Variants in HEPH observed in about 807,000 individuals in gnomAD.
The protein encoded by HEPH is hephaestin.
A neutral mutation model predicts 80.8 loss-of-function variants in HEPH; 69 were observed. That is an observed-to-expected ratio of 0.85 (90% confidence interval 0.70 to 1.04). The LOEUF is 1.04. Ranked by LOEUF, HEPH falls within the 50% of genes least tolerant of loss-of-function variation. The probability of loss-of-function intolerance (pLI) is 0.00; values close to 1 mark genes in which losing one functional copy is unlikely to be tolerated. For synonymous variants in HEPH, 431 were observed against 322.8 expected (o/e 1.34, Z -3.60); for missense variants, 1,115 against 891.3 (o/e 1.25, Z -3.20).
rs982284766 is a variant in HEPH, at chrX:66,266,624, G to A, written c.3429G>A (p.Arg1143=). The A allele has an allele frequency of 5.0e-6, 6 of 1,206,935 alleles. No individual in the cohort carries two copies. In the African/African-American group the frequency reaches 8.8e-5, roughly 18 times the overall value. Reference sequence around the variant, plus strand: ...GACAGAGAAAGCTACGACGCAATAGGAGGTCCATCCTGGATGACAGCTTCA... The same window carrying A: ...GACAGAGAAAGCTACGACGCAATAGAAGGTCCATCCTGGATGACAGCTTCA... ...QHRQRKLRRN[R]RSILDDSFKL... The change falls in exon 21 of 21, where the codon AGG becomes AGA. Residue 1143 remains arginine (R), a synonymous_variant. Transcript: ENST00000343002.
At chrX:66,226,792 T>C (rs1374201768) in intron 15 of HEPH, among the ~76,000 whole-genome samples, 1 of 110,629 alleles carries the variant, frequency 9.0e-6, no homozygotes, top group Non-Finnish European at 1.9e-5. Context: ...ATTGAAATGG[T>C]AATAAAAAAA....
In HEPH at chrX:66,258,951, A is replaced by G; in HGVS notation, c.3008A>G (p.His1003Arg). Residue 1003 changes from histidine to arginine, a missense_variant, in exon 18 of 21, where the codon CAC becomes CGC. This residue lies in a region of HEPH where 716 missense variants were observed against 523.5 expected (regional missense o/e 1.37). Coordinates refer to ENST00000343002, the MANE Select transcript of HEPH (RefSeq NM_001367233.3). ...MGQDVDLHTI[H>R]FHAESFLYRN... ...CAAGATGTGGATCTACACACCATCC[A>G]CTTTCATGCAGAGAGCTTCCTCTAT... The G allele has an allele frequency of 2.5e-6, 3 of 1,203,329 alleles. No homozygotes were observed. Among genetic ancestry groups the G allele is most frequent in the Non-Finnish European group, 3.4e-6 (3 of 892,084 alleles).
chrX:66,172,397 G>C lies in HEPH; in HGVS notation c.210G>C (p.Gly70=). 8.3e-7 allele frequency: 1 copy of C among 1,198,497 alleles called. No individual in the cohort carries two copies. Among genetic ancestry groups the C allele is most frequent in the Non-Finnish European group, 1.1e-6 (1 of 888,464 alleles). ...SFLKSDKNRI[G]GTYKKTIYKE... ...TAAAGTCTGACAAGAACCGGATAGG[G>C]GGAACCTACAAGAAGACCATCTATA... Residue 70 remains glycine, a synonymous_variant, in exon 3 of 21, where the codon GGG becomes GGC. Coordinates refer to ENST00000343002, the MANE Select transcript of HEPH (RefSeq NM_001367233.3).
rs1304075105 is a variant in HEPH at position 66,180,066 on chromosome X, C to A, written c.625+6265C>A. On this transcript the variant is annotated intron_variant, in intron 4 of 20. Coordinates refer to ENST00000343002, the MANE Select transcript of HEPH (RefSeq NM_001367233.3). The stretch of plus-strand genomic sequence containing the variant: ...TATTTTTTAAGTGGGGCATTTAGGC[C>A]ATTTACATTCAATGTTAGTATTGAG... Among the ~76,000 whole-genome samples the A allele has an allele frequency of 4.5e-5, 5 of 110,930 alleles. No homozygotes were observed. In the East Asian group the frequency reaches 1.4e-3, roughly 31 times the overall value.
At chrX:66,223,729 CA>C (rs1480419336) in intron 15 of HEPH, among the ~76,000 whole-genome samples, 1 of 111,118 alleles carries the variant, frequency 9.0e-6, no homozygotes, top group Non-Finnish European at 1.9e-5. Flanking sequence ...ACCTTCAAAA[CA>C]ATTTTTTTTA....
chrX:66,251,669 T>C (rs2091010806), intron 15 of HEPH, among the ~76,000 whole-genome samples: 1 of 111,610 alleles, frequency 9.0e-6, no homozygotes, highest in African/African-American at 3.3e-5. Context: ...TATTTGAATG[T>C]AGCATAGAAA....
chrX:66,232,569 T>C (rs954595467), intron 15 of HEPH, among the ~76,000 whole-genome samples: 3 of 110,916 alleles, frequency 2.7e-5, no homozygotes, highest in Non-Finnish European at 3.8e-5. Flanking sequence ...AGTTATAAGG[T>C]TGGTTAATAT....
chrX:66,200,837 G>T (rs970435725), intron 12 of HEPH, 85 bp downstream of exon 12: 2 of 707,389 alleles, frequency 2.8e-6, no homozygotes, highest in Non-Finnish European at 4.3e-6. Context: ...ATGGTGAAGA[G>T]AAAATAATAG....
chrX:66,244,267 T>A (rs2090717576), intron 15 of HEPH, among the ~76,000 whole-genome samples: 1 of 112,180 alleles, frequency 8.9e-6, no homozygotes, highest in African/African-American at 3.2e-5. Context: ...AAGTGTGTTT[T>A]TCAAGTTGTT....
intron 19 of HEPH, among the ~76,000 whole-genome samples, chrX:66,262,512 G>A (rs1010044320): frequency 8.9e-6 from 1 of 111,740 alleles, no homozygotes; most frequent in African/African-American, 3.3e-5. Flanking sequence ...TGGGGGATGG[G>A]AAATAAATAA....
rs747171113 is a variant in HEPH at position 66,267,227 on chromosome X, G to T, written c.*555G>T. The T allele has an allele frequency of 8.8e-6, 1 of 113,685 alleles. No individual in the cohort carries two copies. Among genetic ancestry groups the T allele is most frequent in the Non-Finnish European group, 1.8e-5 (1 of 54,138 alleles). 9.4% of individuals were successfully genotyped at this position (113,685 alleles called of 1,213,427 possible). On this transcript the variant is annotated 3_prime_UTR_variant, in exon 21 of 21. Coordinates refer to ENST00000343002, the MANE Select transcript of HEPH (RefSeq NM_001367233.3). ...ACTACTTTGAAGAAGTGGTCAATGG[G>T]TTGTTGCTGCCATGAGCATGTACAA...
At chrX:66,227,355 A>C (rs1332857850) in intron 15 of HEPH, among the ~76,000 whole-genome samples, 1 of 111,381 alleles carries the variant, frequency 9.0e-6, no homozygotes, top group Non-Finnish European at 1.9e-5. Context: ...AAAAGTTGAA[A>C]GCCTTCCCCC....
At position 66,233,377 on chromosome X, in the gene HEPH, A is replaced by G. The variant is rs2090233664; in HGVS notation, c.2564-21658A>G. On this transcript the variant is annotated intron_variant, in intron 15 of 20. Coordinates refer to ENST00000343002, the MANE Select transcript of HEPH (RefSeq NM_001367233.3). ...AGTTGTCATATTAGATGCTTTGTTC[A>G]TGTCTGGTAATGACAACAATTCTGG... Among the ~76,000 whole-genome samples, 4 of 111,374 alleles carry G rather than the reference A, an allele frequency of 3.6e-5. No individual in the cohort carries two copies. In the South Asian group the frequency reaches 1.5e-3, roughly 42 times the overall value.
intron 17 of HEPH, among the ~76,000 whole-genome samples, chrX:66,257,037 C>T (rs1002971482): frequency 2.7e-5 from 3 of 112,153 alleles, no homozygotes; most frequent in Non-Finnish European, 5.6e-5. Flanking sequence ...CCCAAGATTT[C>T]TTTGATCTGA....
chrX:66,214,799 T>C (rs1334680019), intron 15 of HEPH, among the ~76,000 whole-genome samples: 2 of 111,312 alleles, frequency 1.8e-5, no homozygotes, highest in Non-Finnish European at 3.8e-5. Context: ...TTATTTCATG[T>C]TTAGTTTCTG....
intron 13 of HEPH, among the ~76,000 whole-genome samples, chrX:66,205,848 G>A (rs1395373978): frequency 9.0e-6 from 1 of 110,948 alleles, no homozygotes; most frequent in Admixed American, 9.6e-5. Flanking sequence ...TCCCGTCTCT[G>A]AACCTGGGTA....
downstream of HEPH, chrX:66,267,597 G>A (rs1408151725): frequency 9.0e-6 from 1 of 111,442 alleles, no homozygotes; most frequent in Non-Finnish European, 1.9e-5. Flanking sequence ...TCGCATAAAT[G>A]ACAAAAATTT....
chrX:66,243,450 G>T (rs1433281930), intron 15 of HEPH, among the ~76,000 whole-genome samples: 2 of 112,253 alleles, frequency 1.8e-5, no homozygotes, highest in Admixed American at 9.4e-5. Context: ...GATCATTGTT[G>T]GTTTAAAGTC....
chrX:66,264,820 T>A (rs757750483), intron 20 of HEPH, among the ~76,000 whole-genome samples: 84 of 105,513 alleles, frequency 8.0e-4, no homozygotes, highest in African/African-American at 2.5e-3. Context: ...ATATATATAT[T>A]TTTATATATA....
Sources: gnomAD v4.1 joint callset for allele counts (sites outside exome capture counted in the v4.1 genomes callset) on GRCh38, gnomAD v4.1.1 for gene constraint, gnomAD v4.1.1 regional missense constraint, MANE v1.5 for transcripts, NCBI Gene and HGNC (gene_info 2026-07-23, HGNC 2026-07-21) for gene names.